The following OSTM1 variants were observed in gnomAD, a reference collection of about 807,000 sequenced individuals.
OSTM1 encodes osteoclastogenesis associated transmembrane protein 1.
Under a neutral mutation model 35.4 loss-of-function variants are expected in OSTM1, and 26 were observed. The ratio of observed to expected loss-of-function variants is 0.73; its 90% CI spans 0.54 to 1.02. OSTM1 has a LOEUF of 1.02. Among genes scored for constraint, OSTM1 ranks in the 50% least tolerant of loss-of-function variants. The pLI, the probability that OSTM1 is intolerant of heterozygous loss-of-function variation, is 0.00. For missense variants in OSTM1, 366 were observed against 409.6 expected, an observed-to-expected ratio of 0.89 and a Z score of 0.92; for synonymous variants, 181 against 165.0, an observed-to-expected ratio of 1.10 and a Z score of -0.75.
intron 1 of OSTM1, among the ~76,000 whole-genome samples, chr6:108,072,343 T>C (rs143176125): frequency 6.6e-6 from 1 of 152,130 alleles, no homozygotes; most frequent in East Asian, 1.9e-4. Context: ...ACCTCGAAAA[T>C]ATGTCCTTGG....
intron 2 of OSTM1, among the ~76,000 whole-genome samples, chr6:108,062,824 G>A (rs1772305657): frequency 6.6e-6 from 1 of 151,860 alleles, no homozygotes; most frequent in Non-Finnish European, 1.5e-5. Context: ...CACCATGCCT[G>A]GTCTATAACC....
In OSTM1 at chr6:108,041,674, G is replaced by A. The variant is rs906654459; in HGVS notation, c.*3111C>T. The stretch of plus-strand genomic sequence containing the variant: ...TTAAGCATCTCAAGTCTCCATTTAA[G>A]AGTTGACTATCAAAGAATGACTGTT... On this transcript the variant is annotated 3_prime_UTR_variant, in exon 6 of 6. Coordinates refer to ENST00000193322, the MANE Select transcript of OSTM1 (RefSeq NM_014028.4). The A allele has an allele frequency of 6.6e-6, 1 of 152,176 alleles. No individual in the cohort carries two copies. Among genetic ancestry groups the A allele is most frequent in the Non-Finnish European group, 1.5e-5 (1 of 68,036 alleles). The allele number at this position is 152,176 out of a possible 1,614,324, so 9.4% of individuals were successfully genotyped here. A position where few individuals can be genotyped will look rare whatever the true frequency, so the allele number is the denominator to read the frequency against.
chr6:108,073,827 T>C lies in OSTM1; in HGVS notation c.402+423A>G, dbSNP rs148052585. The C allele has an allele frequency of 4.1e-3, 830 of 202,834 alleles. 28 individuals carry two copies. Among genetic ancestry groups the C allele is most frequent in the Admixed American group, 0.039 (735 of 18,614 alleles). The allele number at this position is 202,834 out of a possible 1,614,324, so 12.6% of individuals were successfully genotyped here. Reference sequence around the variant, plus strand: ...AGAAGATAATTAATCCAAGGTTACATAGTTAGAAGTTGGTGGACATGAACA... The same window carrying C: ...AGAAGATAATTAATCCAAGGTTACACAGTTAGAAGTTGGTGGACATGAACA... On this transcript the variant is annotated intron_variant, in intron 1 of 5. Transcript: ENST00000193322.
At chr6:108,054,424 T>C in intron 3 of OSTM1, 66 bp downstream of exon 3, 1 of 720,214 alleles carries the variant, frequency 1.4e-6, no homozygotes, top group Non-Finnish European at 2.3e-6. Flanking sequence ...CTCTAAAAAC[T>C]TGGAACTGCA....
At chr6:108,048,906 C>G (rs1328139251) in intron 5 of OSTM1, among the ~76,000 whole-genome samples, 2 of 151,968 alleles carry the variant, frequency 1.3e-5, no homozygotes, top group African/African-American at 4.8e-5. Flanking sequence ...CATGCGCCAT[C>G]ATGCCCGGCT....
Position 108,041,478 on chromosome 6 carries a change from G to A in OSTM1, c.*3307C>T, listed in dbSNP as rs1314419624. 6.6e-6 allele frequency: 1 copy of A among 152,138 alleles called. No individual in the cohort carries two copies. The highest frequency in any genetic ancestry group is 2.4e-5 in the African/African-American group (1 of 41,416). The allele number at this position is 152,138 out of a possible 1,614,324, so 9.4% of individuals were successfully genotyped here. ...TTATTTGTCATTAAACATGTTACATGTATGACTAATATTTATTATAGCTAA... is the reference window on the plus strand; with the variant it reads ...TTATTTGTCATTAAACATGTTACATATATGACTAATATTTATTATAGCTAA... On this transcript the variant is annotated 3_prime_UTR_variant, in exon 6 of 6. Transcript: ENST00000193322.
chr6:108,045,811 T>C (rs1045008353), intron 5 of OSTM1, among the ~76,000 whole-genome samples: 30 of 152,102 alleles, frequency 2.0e-4, no homozygotes, highest in African/African-American at 7.0e-4. Context: ...ATCATGCCCA[T>C]AGTGAGAGTA....
At chr6:108,050,186 C>CA (rs1451159753) in intron 4 of OSTM1, among the ~76,000 whole-genome samples, 4 of 151,544 alleles carry the variant, frequency 2.6e-5, no homozygotes, top group African/African-American at 4.8e-5. Context: ...GAATAGTGAA[C>CA]AAAAAAAGCC....
chr6:108,071,605 A>G (rs6940713), intron 1 of OSTM1, among the ~76,000 whole-genome samples: 59,253 of 151,034 alleles, frequency 0.39, 12,815 homozygotes, highest in East Asian at 0.59. Flanking sequence ...GAGCCACCAC[A>G]CCTGGCCTCA....
In OSTM1 at chr6:108,058,495, A is replaced by G. The variant is rs146068310; in HGVS notation, c.518-3908T>C. ...TTTCCCTCTGGATAAAATATGGGAA[A>G]GAAAGGTTTTGGGCCGGGCGCAGTG... On this transcript the variant is annotated intron_variant, in intron 2 of 5. Transcript: ENST00000193322. Among the ~76,000 whole-genome samples the G allele has an allele frequency of 1.8e-3, 277 of 152,352 alleles. 2 individuals are homozygous for G. Among genetic ancestry groups the G allele is most frequent in the African/African-American group, 6.4e-3 (268 of 41,580 alleles).
intron 2 of OSTM1, among the ~76,000 whole-genome samples, chr6:108,063,907 C>A (rs187368289): frequency 6.6e-6 from 1 of 152,256 alleles, no homozygotes; most frequent in Admixed American, 6.5e-5. Context: ...GTTTTTCTCC[C>A]ATATCTGACA....
chr6:108,066,008 G>T (rs949822155), intron 1 of OSTM1, among the ~76,000 whole-genome samples: 1 of 152,160 alleles, frequency 6.6e-6, no homozygotes, highest in Non-Finnish European at 1.5e-5. Context: ...GAAAATAGAA[G>T]AATTAAATGA....
intron 2 of OSTM1, among the ~76,000 whole-genome samples, chr6:108,060,436 A>C (rs941401990): frequency 6.6e-6 from 1 of 152,224 alleles, no homozygotes; most frequent in African/African-American, 2.4e-5. Flanking sequence ...ACACCTTTTA[A>C]GCCAGGCACA....
intron 1 of OSTM1, among the ~76,000 whole-genome samples, chr6:108,070,461 A>C (rs1244480679): frequency 6.6e-6 from 1 of 152,184 alleles, no homozygotes; most frequent in African/African-American, 2.4e-5. Context: ...TCCCCTAACT[A>C]TACTGATAGT....
At chr6:108,073,947 T>C (rs1772533875) in intron 1 of OSTM1, 1 of 448,022 alleles carries the variant, frequency 2.2e-6, no homozygotes, top group Non-Finnish European at 4.0e-6. Flanking sequence ...CAGGTGAAGA[T>C]GAGAAGAAGC....
chr6:108,069,650 T>C (rs962244727), intron 1 of OSTM1, among the ~76,000 whole-genome samples: 3 of 152,202 alleles, frequency 2.0e-5, no homozygotes, highest in Admixed American at 6.5e-5. Flanking sequence ...AATGAAACTA[T>C]GTCCCTATCA....
Position 108,074,495 on chromosome 6 carries a change from G to C in OSTM1, c.157C>G (p.Leu53Val), listed in dbSNP as rs1179309867. Residue 53 changes from leucine (L) to valine (V), a missense_variant, in exon 1 of 6, where the codon CTG becomes GTG. Coordinates refer to ENST00000193322, the MANE Select transcript of OSTM1 (RefSeq NM_014028.4). ...GACAGGGACAAGTCCTCCACCTCCA[G>C]CAACTGCTGCTCCGACAGGAGGTCG... ...FHDLLSEQQL[L>V]EVEDLSLSLL... is the part of the protein sequence containing the mutation. 4 of 1,558,364 alleles carry C rather than the reference G, an allele frequency of 2.6e-6. No individual in the cohort carries two copies. Among genetic ancestry groups the C allele is most frequent in the Non-Finnish European group, 3.5e-6 (4 of 1,151,908 alleles).
rs1354040746 is a variant in OSTM1, at chr6:108,043,946, A to G, written c.*839T>C. 6.6e-6 allele frequency: 1 copy of G among 152,600 alleles called. No individual in the cohort carries two copies. Among genetic ancestry groups the G allele is most frequent in the African/African-American group, 2.4e-5 (1 of 41,442 alleles). 9.5% of individuals were successfully genotyped at this position (152,600 alleles called of 1,614,324 possible). On this transcript the variant is annotated 3_prime_UTR_variant, in exon 6 of 6. Coordinates refer to ENST00000193322, the MANE Select transcript of OSTM1 (RefSeq NM_014028.4). Reference sequence around the variant, plus strand: ...TAAGAAGAAAATATTCCTTTAAAAAATGACAATTTAAATACAGTGTGATAA... The same window carrying G: ...TAAGAAGAAAATATTCCTTTAAAAAGTGACAATTTAAATACAGTGTGATAA...
At chr6:108,051,920 T>C (rs1040678199) in intron 3 of OSTM1, among the ~76,000 whole-genome samples, 1 of 152,262 alleles carries the variant, frequency 6.6e-6, no homozygotes, top group Admixed American at 6.5e-5. Context: ...ACACCTTTGC[T>C]TTCTATGCCC....
Sources: gnomAD v4.1 joint callset for allele counts (sites outside exome capture counted in the v4.1 genomes callset) on GRCh38, gnomAD v4.1.1 for gene constraint, MANE v1.5 for transcripts, NCBI Gene and HGNC (gene_info 2026-07-23, HGNC 2026-07-21) for gene names.